The following NAALADL2 variants were observed in gnomAD, a reference collection of about 807,000 sequenced individuals.
NAALADL2 encodes the protein N-acetylated alpha-linked acidic dipeptidase like 2, also known as inactive N-acetylated-alpha-linked acidic dipeptidase-like protein 2.
Under a neutral mutation model 87.2 loss-of-function variants are expected in NAALADL2, and 76 were observed. The ratio of observed to expected loss-of-function variants is 0.87; its 90% CI spans 0.72 to 1.05. The LOEUF is 1.05. Ranked by LOEUF, NAALADL2 falls within the 50% of genes least tolerant of loss-of-function variation. The pLI, the probability that NAALADL2 is intolerant of heterozygous loss-of-function variation, is 0.00. For missense variants in NAALADL2, 1,089 were observed against 945.8 expected, an observed-to-expected ratio of 1.15 and a Z score of -1.99; for synonymous variants, 354 against 331.0, an observed-to-expected ratio of 1.07 and a Z score of -0.75.
At chr3:175,674,736 A>G (rs1304471021) in intron 11 of NAALADL2, among the ~76,000 whole-genome samples, 1 of 152,090 alleles carries the variant, frequency 6.6e-6, no homozygotes, top group Admixed American at 6.5e-5. Flanking sequence ...ACATGATGTC[A>G]TATTTGTAAA....
At chr3:175,714,273 A>G (rs1225569458) in intron 11 of NAALADL2, among the ~76,000 whole-genome samples, 4 of 152,108 alleles carry the variant, frequency 2.6e-5, no homozygotes, top group African/African-American at 7.2e-5. Flanking sequence ...GTCAAATGGT[A>G]TTTCTGGTTC....
chr3:175,588,444 A>C (rs567277248), intron 10 of NAALADL2, among the ~76,000 whole-genome samples: 1 of 152,262 alleles, frequency 6.6e-6, no homozygotes, highest in African/African-American at 2.4e-5. Context: ...GTTGTCCCAA[A>C]ATGTAGAATC....
chr3:174,495,275 A>C (rs949568601), intron 1 of NAALADL2, among the ~76,000 whole-genome samples: 19 of 151,964 alleles, frequency 1.3e-4, no homozygotes, highest in Non-Finnish European at 2.5e-4. Flanking sequence ...AAAAAAAAAA[A>C]AAAAAACAGC....
At chr3:174,727,232 G>A (rs887166488) in intron 2 of NAALADL2, among the ~76,000 whole-genome samples, 9 of 140,750 alleles carry the variant, frequency 6.4e-5, no homozygotes, top group South Asian at 2.3e-4. Context: ...CAAATTTTTC[G>A]ATCACCTGCA....
intron 1 of NAALADL2, among the ~76,000 whole-genome samples, chr3:174,526,877 A>G (rs1044031255): frequency 2.6e-5 from 4 of 151,734 alleles, no homozygotes; most frequent in African/African-American, 7.3e-5. Context: ...GGATTTTACT[A>G]TGTTGGCCAG....
At chr3:174,793,603 G>A (rs182214726) in intron 3 of NAALADL2, among the ~76,000 whole-genome samples, 11 of 152,110 alleles carry the variant, frequency 7.2e-5, no homozygotes, top group Admixed American at 7.2e-4. Flanking sequence ...CCAAATCCTT[G>A]GCTGTGTCAT....
At chr3:175,224,995 T>G (rs1431062196) in intron 2 of NAALADL2, among the ~76,000 whole-genome samples, 1 of 152,138 alleles carries the variant, frequency 6.6e-6, no homozygotes, top group Non-Finnish European at 1.5e-5. Context: ...ACAAGTTGAT[T>G]TAATTGAGAT....
chr3:174,572,585 A>G (rs73042635), intron 2 of NAALADL2, among the ~76,000 whole-genome samples: 3,025 of 152,286 alleles, frequency 0.02, 100 homozygotes, highest in African/African-American at 0.068. Context: ...CAAAAAGGAT[A>G]TTATTTGTTA....
At chr3:175,471,320 C>T (rs991867613) in intron 8 of NAALADL2, among the ~76,000 whole-genome samples, 2 of 151,548 alleles carry the variant, frequency 1.3e-5, no homozygotes, top group African/African-American at 4.8e-5. Context: ...CCTGTCTCTA[C>T]TAAAAATACA....
intron 2 of NAALADL2, among the ~76,000 whole-genome samples, chr3:174,721,108 G>A (rs1731672388): frequency 6.6e-6 from 1 of 152,024 alleles, no homozygotes; most frequent in Non-Finnish European, 1.5e-5. Context: ...AATAAAATGA[G>A]TACCCTATAT....
At chr3:175,162,256 C>A (rs768345110) in intron 2 of NAALADL2, among the ~76,000 whole-genome samples, 1 of 152,096 alleles carries the variant, frequency 6.6e-6, no homozygotes, top group Non-Finnish European at 1.5e-5. Flanking sequence ...TCCCTTTTCC[C>A]ATGAGAACCC....
chr3:175,109,640 T>C (rs1723838294), intron 2 of NAALADL2, among the ~76,000 whole-genome samples: 1 of 151,894 alleles, frequency 6.6e-6, no homozygotes, highest in Admixed American at 6.6e-5. Flanking sequence ...TCAGTTCAAC[T>C]TCAAACGAAC....
At chr3:174,523,962 A>G (rs1398910491) in intron 1 of NAALADL2, among the ~76,000 whole-genome samples, 1 of 152,182 alleles carries the variant, frequency 6.6e-6, no homozygotes, top group Non-Finnish European at 1.5e-5. Context: ...AGAGAAAATT[A>G]GAAAATTAAA....
At chr3:174,703,598 G>A (rs1296176626) in intron 2 of NAALADL2, among the ~76,000 whole-genome samples, 2 of 151,920 alleles carry the variant, frequency 1.3e-5, no homozygotes, top group African/African-American at 4.8e-5. Context: ...ATAATTAGAG[G>A]ATCTTAATCT....
At chr3:175,088,649 T>G (rs555561442) in intron 1 of NAALADL2, among the ~76,000 whole-genome samples, 1 of 152,376 alleles carries the variant, frequency 6.6e-6, no homozygotes, top group African/African-American at 2.4e-5. Flanking sequence ...TTGAAACATC[T>G]GACAAATAGA....
At chr3:174,975,264 G>C (rs1007238036) in intron 1 of NAALADL2, among the ~76,000 whole-genome samples, 1 of 152,066 alleles carries the variant, frequency 6.6e-6, no homozygotes, top group African/African-American at 2.4e-5. Context: ...GATTAATAAT[G>C]ATTCTTGACT....
intron 8 of NAALADL2, among the ~76,000 whole-genome samples, chr3:175,468,916 G>A (rs6793435): frequency 0.053 from 8,076 of 151,904 alleles, 674 homozygotes; most frequent in African/African-American, 0.18. Context: ...AGTTTTTGTG[G>A]GGTCATTGTA....
At chr3:175,256,552 C>T in intron 4 of NAALADL2, 22 bp downstream of exon 4, 1 of 1,603,184 alleles carries the variant, frequency 6.2e-7, no homozygotes. Context: ...GAATGTTATT[C>T]AGTGGTTTGG....
chr3:175,269,164 C>A (rs1352114155), intron 4 of NAALADL2, among the ~76,000 whole-genome samples: 1 of 151,964 alleles, frequency 6.6e-6, no homozygotes. Context: ...GTCTTGAACT[C>A]CTAGCCTCAA....
Sources: gnomAD v4.1 joint callset for allele counts (sites outside exome capture counted in the v4.1 genomes callset) on GRCh38, gnomAD v4.1.1 for gene constraint, MANE v1.5 for transcripts, NCBI Gene and HGNC (gene_info 2026-07-23, HGNC 2026-07-21) for gene names.